LOC400499: variants seen among roughly 807,000 people sequenced by gnomAD.
the LOC400499 span, among the ~76,000 whole-genome samples, chr16:11,440,146 AC>A: frequency 6.6e-6 from 1 of 152,190 alleles, no homozygotes; most frequent in Admixed American, 6.5e-5. Context: ...CAGCAGAGAT[AC>A]AACCCATCCA....
the LOC400499 span, among the ~76,000 whole-genome samples, chr16:11,463,878 T>C: frequency 1.3e-5 from 2 of 152,164 alleles, no homozygotes; most frequent in Non-Finnish European, 2.9e-5. Context: ...TACGGATGCG[T>C]GCATATGAAT....
chr16:11,410,566 G>A, the LOC400499 span, among the ~76,000 whole-genome samples: 6 of 152,244 alleles, frequency 3.9e-5, no homozygotes, highest in Non-Finnish European at 8.8e-5. Context: ...AGGGGACCCA[G>A]CACATAGCGC....
At chr16:11,433,731 C>G in the LOC400499 span, among the ~76,000 whole-genome samples, 1 of 152,116 alleles carries the variant, frequency 6.6e-6, no homozygotes, top group African/African-American at 2.4e-5. Context: ...AGCGGTCATG[C>G]CCGCATGATG....
At chr16:11,439,573 G>C in the LOC400499 span, 3 of 399,054 alleles carry the variant, frequency 7.5e-6, no homozygotes, top group African/African-American at 4.1e-5. Context: ...CGTTCAGCTG[G>C]ACCGAGGCCT....
the LOC400499 span, among the ~76,000 whole-genome samples, chr16:11,499,265 A>G: frequency 4.2e-3 from 16 of 3,802 alleles, no homozygotes; most frequent in East Asian, 0.055. Flanking sequence ...GGGAGGGGGG[A>G]AGGGAGGCAG....
the LOC400499 span, among the ~76,000 whole-genome samples, chr16:11,455,751 A>G: frequency 6.7e-6 from 1 of 150,344 alleles, no homozygotes; most frequent in African/African-American, 2.4e-5. Context: ...GAAAAAAAAA[A>G]AAAAAGAAAA....
At chr16:11,522,243 T>C in the LOC400499 span, 2 of 397,534 alleles carry the variant, frequency 5.0e-6, no homozygotes, top group African/African-American at 2.1e-5. Flanking sequence ...TGTCCCCAGC[T>C]TGGGGAAAGG....
chr16:11,491,730 C>T, the LOC400499 span: 10 of 367,982 alleles, frequency 2.7e-5, no homozygotes, highest in Admixed American at 4.6e-5. Flanking sequence ...TGCCTGGGTG[C>T]GCCGCACCTG....
chr16:11,460,819 A>T, the LOC400499 span: 3 of 1,218,434 alleles, frequency 2.5e-6, no homozygotes, highest in African/African-American at 4.6e-5. Context: ...ATGGGCAGGT[A>T]TTCAGTCCTA....
the LOC400499 span, among the ~76,000 whole-genome samples, chr16:11,428,816 A>T: frequency 6.6e-6 from 1 of 152,098 alleles, no homozygotes; most frequent in Non-Finnish European, 1.5e-5. Context: ...TGGAGAGTGG[A>T]TAGGGGATAA....
At chr16:11,376,883 T>G in the LOC400499 span, among the ~76,000 whole-genome samples, 4 of 152,180 alleles carry the variant, frequency 2.6e-5, no homozygotes, top group Admixed American at 6.5e-5. Flanking sequence ...TGCCAAAATC[T>G]TTGCCTCCTG....
the LOC400499 span, chr16:11,516,441 C>A: frequency 2.5e-6 from 1 of 397,628 alleles, no homozygotes; most frequent in Non-Finnish European, 4.4e-6. Context: ...CCCCACATCC[C>A]CCCACTAGAT....
At chr16:11,488,719 G>A in the LOC400499 span, 1 of 398,854 alleles carries the variant, frequency 2.5e-6, no homozygotes, top group Non-Finnish European at 4.4e-6. Context: ...CTGATCGGAA[G>A]GTGACATCAG....
chr16:11,392,822 C>G, the LOC400499 span: 6 of 981,508 alleles, frequency 6.1e-6, no homozygotes, highest in Non-Finnish European at 7.3e-6. Flanking sequence ...AGGAACACAT[C>G]ACCCCCTACC....
chr16:11,491,082 G>A, the LOC400499 span, among the ~76,000 whole-genome samples: 1 of 152,126 alleles, frequency 6.6e-6, no homozygotes, highest in Non-Finnish European at 1.5e-5. Context: ...GGAGGTACTA[G>A]CATTATCCCT....
the LOC400499 span, chr16:11,500,962 G>A: frequency 2.5e-6 from 1 of 399,106 alleles, no homozygotes. Context: ...GCATCCAACA[G>A]TGGCTGCCTG....
chr16:11,485,942 G>A, the LOC400499 span, among the ~76,000 whole-genome samples: 88 of 152,340 alleles, frequency 5.8e-4, no homozygotes, highest in African/African-American at 2.0e-3. Context: ...CACACAGATG[G>A]ACAGATGGGA....
At chr16:11,385,168 G>A in the LOC400499 span, 4 of 1,231,214 alleles carry the variant, frequency 3.2e-6, no homozygotes, top group East Asian at 6.3e-5. Context: ...CAGGTCTCCA[G>A]GGGAGGCTCA....
At chr16:11,450,932 C>T in the LOC400499 span, 1 of 939,898 alleles carries the variant, frequency 1.1e-6, no homozygotes, top group Non-Finnish European at 1.6e-6. Context: ...AATCTCAAAA[C>T]TGGGAATAAC....
Sources: allele counts gnomAD v4.1 joint callset (sites outside exome capture counted in the v4.1 genomes callset), GRCh38; gene constraint gnomAD v4.1.1; transcripts MANE v1.5.